Variants in SYNPO2 observed in about 807,000 individuals in gnomAD.
SYNPO2 encodes the protein synaptopodin-2.
A neutral mutation model predicts 85.0 loss-of-function variants in SYNPO2; 56 were observed. The observed-to-expected ratio is 0.66, with a 90% CI of 0.53 to 0.82. The LOEUF is 0.82. Ranked by LOEUF, SYNPO2 falls within the 40% of genes least tolerant of loss-of-function variation. The pLI, the probability that SYNPO2 is intolerant of heterozygous loss-of-function variation, is 0.00. For missense variants in SYNPO2, 1,575 were observed against 1,534.2 expected, an observed-to-expected ratio of 1.03 and a Z score of -0.44; for synonymous variants, 602 against 591.1, an observed-to-expected ratio of 1.02 and a Z score of -0.27.
chr4:118,921,413 G>A (rs112487135), intron 1 of SYNPO2, among the ~76,000 whole-genome samples: 36 of 152,154 alleles, frequency 2.4e-4, no homozygotes, highest in African/African-American at 7.2e-4. Flanking sequence ...CCAGGCTGAC[G>A]TATCTAGAAC....
chr4:118,996,205 A>C (rs1237009146), intron 1 of SYNPO2, among the ~76,000 whole-genome samples: 1 of 152,028 alleles, frequency 6.6e-6, no homozygotes, highest in Non-Finnish European at 1.5e-5. Flanking sequence ...TTGCCTTTGC[A>C]CTTGTTGTTC....
At chr4:118,900,319 T>C (rs1017249756) in intron 1 of SYNPO2, among the ~76,000 whole-genome samples, 2 of 152,116 alleles carry the variant, frequency 1.3e-5, no homozygotes, top group African/African-American at 4.8e-5. Context: ...AAGCCACTCG[T>C]CATCACAGAA....
rs1376427913 is a variant in SYNPO2 at position 119,031,532 on chromosome 4, A to C, written c.2757A>C (p.Ala919=). Reference sequence around the variant, plus strand: ...GGAAGTACTCCTCCAATGTCCGAGCACCTCCTCCTGTGGCCTATAATCCTA... The same window carrying C: ...GGAAGTACTCCTCCAATGTCCGAGCCCCTCCTCCTGTGGCCTATAATCCTA... The part of the protein sequence containing the change: ...ASWKYSSNVR[A]PPPVAYNPIH... Residue 919 remains alanine (A), a synonymous_variant, in exon 4 of 5, where the codon GCA becomes GCC. Coordinates refer to ENST00000307142, the MANE Select transcript of SYNPO2 (RefSeq NM_133477.3). 1.2e-6 allele frequency: 2 copies of C among 1,613,570 alleles called. No homozygotes were observed. The highest frequency in any genetic ancestry group is 3.3e-5 in the Admixed American group (2 of 59,964).
intron 1 of SYNPO2, among the ~76,000 whole-genome samples, chr4:119,014,416 A>C (rs1340085379): frequency 2.0e-5 from 3 of 152,146 alleles, no homozygotes; most frequent in African/African-American, 7.2e-5. Context: ...TCCATCTCAA[A>C]AATAAATAAA....
At chr4:119,040,682 C>G (rs766189410) in intron 4 of SYNPO2, among the ~76,000 whole-genome samples, 1 of 152,190 alleles carries the variant, frequency 6.6e-6, no homozygotes, top group Non-Finnish European at 1.5e-5. Flanking sequence ...CAAACATATT[C>G]TCTAAACAGG....
chr4:118,850,961 G>T, intron 1 of SYNPO2: 3 of 398,610 alleles, frequency 7.5e-6, no homozygotes, highest in Non-Finnish European at 1.3e-5. Context: ...AAGCAGAGAT[G>T]AATGGTGTCC....
chr4:118,927,776 T>TGGATA, intron 1 of SYNPO2, among the ~76,000 whole-genome samples: 1 of 102,662 alleles, frequency 9.7e-6, no homozygotes, highest in South Asian at 3.7e-4. Flanking sequence ...GATAGATAGA[T>TGGATA]GATAGATAGA....
chr4:118,934,058 G>A (rs1390607647), intron 1 of SYNPO2, among the ~76,000 whole-genome samples: 4 of 152,052 alleles, frequency 2.6e-5, no homozygotes, highest in Non-Finnish European at 4.4e-5. Context: ...CAGTTTTAGC[G>A]AGATCTCTTG....
chr4:118,934,703 A>C (rs1254762627), intron 1 of SYNPO2, among the ~76,000 whole-genome samples: 2 of 152,176 alleles, frequency 1.3e-5, no homozygotes, highest in Non-Finnish European at 1.5e-5. Flanking sequence ...ATAGAATGAG[A>C]CTTTAGAATC....
intron 4 of SYNPO2, among the ~76,000 whole-genome samples, chr4:119,051,197 T>G (rs940338415): frequency 2.9e-5 from 4 of 138,478 alleles, no homozygotes; most frequent in African/African-American, 5.4e-5. Flanking sequence ...TTTTTTTTTT[T>G]TTTTTTTTTT....
intron 3 of SYNPO2, 61 bp downstream of exon 3, chr4:119,027,499 T>G (rs950604220): frequency 7.0e-7 from 1 of 1,424,608 alleles, no homozygotes; most frequent in Non-Finnish European, 9.3e-7. Context: ...GCTGCTTCTT[T>G]GCTTGCATGA....
Position 118,907,036 on chromosome 4 carries a change from A to G in SYNPO2, c.105+17895A>G, listed in dbSNP as rs115662775. Among the ~76,000 whole-genome samples the G allele has an allele frequency of 5.0e-3, 760 of 151,636 alleles. 12 individuals carry two copies. The highest frequency in any genetic ancestry group is 0.018 in the African/African-American group (730 of 41,276). The stretch of plus-strand genomic sequence containing the variant: ...CGCTTTGTTGCCAAGGCTGGTCTTG[A>G]AATCCTAGTTTCAAGCTATTCTCCC... On this transcript the variant is annotated intron_variant, in intron 1 of 4. Transcript: ENST00000307142.
At chr4:119,002,016 C>A (rs1196594012) in intron 1 of SYNPO2, among the ~76,000 whole-genome samples, 1 of 152,144 alleles carries the variant, frequency 6.6e-6, no homozygotes, top group Non-Finnish European at 1.5e-5. Flanking sequence ...CTAGTGCCCC[C>A]CATCCTCCCA....
At chr4:119,026,260 A>T (rs1211634035) in intron 2 of SYNPO2, among the ~76,000 whole-genome samples, 1 of 152,256 alleles carries the variant, frequency 6.6e-6, no homozygotes, top group Non-Finnish European at 1.5e-5. Context: ...AACTTAGTCA[A>T]TAAGACATTG....
At chr4:119,018,322 G>A (rs528923624) in intron 1 of SYNPO2, among the ~76,000 whole-genome samples, 18 of 152,014 alleles carry the variant, frequency 1.2e-4, no homozygotes, top group Non-Finnish European at 2.2e-4. Flanking sequence ...TATATGTACC[G>A]CTTTTTCTTT....
At chr4:118,892,104 C>T (rs1465465122) in intron 1 of SYNPO2, among the ~76,000 whole-genome samples, 2 of 152,098 alleles carry the variant, frequency 1.3e-5, no homozygotes, top group African/African-American at 4.8e-5. Context: ...TATTTAGTCA[C>T]TTCTGAGATA....
intron 1 of SYNPO2, among the ~76,000 whole-genome samples, chr4:119,010,317 G>T (rs1026701816): frequency 2.4e-4 from 36 of 152,198 alleles, no homozygotes; most frequent in Admixed American, 2.4e-3. Context: ...GTTCCATATG[G>T]CTAGGAAGGC....
At chr4:118,915,878 C>T (rs1733301027) in intron 1 of SYNPO2, among the ~76,000 whole-genome samples, 1 of 151,882 alleles carries the variant, frequency 6.6e-6, no homozygotes, top group Admixed American at 6.6e-5. Context: ...TTTATTTTTG[C>T]CATTTTGCTA....
At chr4:118,944,627 T>A (rs6811995) in intron 1 of SYNPO2, among the ~76,000 whole-genome samples, 130,777 of 152,164 alleles carry the variant, frequency 0.86, 56,395 homozygotes, top group Middle Eastern at 0.93. Context: ...TAGTAATAAT[T>A]ACAAAAAAAA....
Sources: allele counts gnomAD v4.1 joint callset (sites outside exome capture counted in the v4.1 genomes callset), GRCh38; gene constraint gnomAD v4.1.1; transcripts MANE v1.5; gene names NCBI Gene and HGNC (gene_info 2026-07-23, HGNC 2026-07-21).